The following KCNAB1 variants were observed in gnomAD, a reference collection of about 807,000 sequenced individuals.
KCNAB1 encodes the protein potassium voltage-gated channel subfamily A regulatory beta subunit 1.
KCNAB1 carries 35 observed loss-of-function variants against 64.6 expected under a neutral mutation model. The ratio of observed to expected loss-of-function variants is 0.54; its 90% CI spans 0.41 to 0.72. The LOEUF (loss-of-function observed/expected upper bound fraction) is 0.72. Ranked by LOEUF, KCNAB1 falls within the 30% of genes least tolerant of loss-of-function variation. The pLI, the probability that KCNAB1 is intolerant of heterozygous loss-of-function variation, is 0.00. For synonymous variants in KCNAB1, 177 were observed against 183.8 expected, an observed-to-expected ratio of 0.96 and a Z score of 0.30; for missense variants, 401 against 512.9, an observed-to-expected ratio of 0.78 and a Z score of 2.11.
intron 1 of KCNAB1, among the ~76,000 whole-genome samples, chr3:156,371,456 C>A (rs1241980596): frequency 1.3e-5 from 2 of 152,194 alleles, no homozygotes; most frequent in African/African-American, 4.8e-5. Flanking sequence ...ATACCCTGAG[C>A]AGGCCAGTGC....
At chr3:156,229,702 CAATG>C (rs1716404045) in intron 1 of KCNAB1, among the ~76,000 whole-genome samples, 2 of 152,240 alleles carry the variant, frequency 1.3e-5, no homozygotes, top group East Asian at 3.9e-4. Flanking sequence ...AGAAGAGAGA[CAATG>C]GATTAACACA....
rs774833385 is a variant in KCNAB1 at position 156,474,725 on chromosome 3, T to C, written c.572-9T>C. The C allele has an allele frequency of 8.1e-6, 13 of 1,611,080 alleles. No homozygotes were observed. The Admixed American group carries it at 1.8e-4, about 23-fold the overall frequency. On this transcript the variant is annotated splice_polypyrimidine_tract_variant and intron_variant, in intron 7 of 13. Transcript: ENST00000490337. ...GATTTTGGGGTTTGTTTCCTGCTTC[T>C]GCTCCCAGGATTGAAGGGCTCCCTC...
intron 2 of KCNAB1, among the ~76,000 whole-genome samples, chr3:156,425,091 G>A (rs949939431): frequency 2.0e-5 from 3 of 152,208 alleles, no homozygotes; most frequent in Non-Finnish European, 4.4e-5. Context: ...AGGCTCTGCA[G>A]ACCCCAGCTG....
chr3:156,292,092 A>G (rs1315145226), intron 1 of KCNAB1: 1 of 1,613,936 alleles, frequency 6.2e-7, no homozygotes, highest in South Asian at 1.1e-5. Context: ...ATTTCTCTCA[A>G]AGAGTCCACC....
intron 2 of KCNAB1, among the ~76,000 whole-genome samples, chr3:156,428,177 T>C (rs191387575): frequency 4.7e-4 from 71 of 152,316 alleles, no homozygotes; most frequent in African/African-American, 1.5e-3. Flanking sequence ...ACTTACAGAC[T>C]GAGTAAAGCC....
At chr3:156,501,237 C>A (rs776309985) in intron 8 of KCNAB1, among the ~76,000 whole-genome samples, 2 of 152,142 alleles carry the variant, frequency 1.3e-5, no homozygotes, top group East Asian at 3.9e-4. Context: ...AAAGCCTGCA[C>A]AGGCAAGAAG....
intron 1 of KCNAB1, among the ~76,000 whole-genome samples, chr3:156,239,729 T>C (rs1372960963): frequency 6.6e-6 from 1 of 152,242 alleles, no homozygotes; most frequent in African/African-American, 2.4e-5. Flanking sequence ...TCATAATTTG[T>C]ATCTTGATTT....
In KCNAB1 at chr3:156,375,288, T is replaced by C. The variant is rs1711577158; in HGVS notation, c.276-46328T>C. On this transcript the variant is annotated intron_variant, in intron 1 of 13. Transcript: ENST00000490337. ...CTTGCAAAAGGCCACAGTCCTTCTT[T>C]GTAGAGTTTATGAAGCTCATCCCTA... 1.5e-5 allele frequency among the ~76,000 whole-genome samples: 2 copies of C among 135,204 alleles called. 1 individual carries two copies. The highest frequency in any genetic ancestry group is 3.1e-5 in the Non-Finnish European group (2 of 64,894). The allele number at this position is 135,204 out of a possible 152,430, so 88.7% of individuals were successfully genotyped here.
intron 1 of KCNAB1, among the ~76,000 whole-genome samples, chr3:156,149,168 C>A (rs1433040158): frequency 6.6e-6 from 1 of 152,112 alleles, no homozygotes; most frequent in African/African-American, 2.4e-5. Flanking sequence ...GACATCAGTT[C>A]TCAGAGACTT....
intron 1 of KCNAB1, among the ~76,000 whole-genome samples, chr3:156,397,388 ATC>A (rs1281739832): frequency 6.6e-6 from 1 of 152,176 alleles, no homozygotes; most frequent in Non-Finnish European, 1.5e-5. Flanking sequence ...GCAGATTTGA[ATC>A]TCTTTATTTT....
chr3:156,219,928 T>C (rs1166636265), intron 1 of KCNAB1, among the ~76,000 whole-genome samples: 2 of 151,826 alleles, frequency 1.3e-5, no homozygotes, highest in African/African-American at 4.8e-5. Flanking sequence ...CCATGTGTTC[T>C]CATTGTTTGA....
intron 7 of KCNAB1, among the ~76,000 whole-genome samples, chr3:156,470,763 A>G (rs1384447949): frequency 6.6e-6 from 1 of 152,218 alleles, no homozygotes; most frequent in African/African-American, 2.4e-5. Context: ...ATTAATAACA[A>G]ATCTTAAACT....
intron 1 of KCNAB1, among the ~76,000 whole-genome samples, chr3:156,344,208 A>T (rs376840407): frequency 1.3e-5 from 2 of 152,316 alleles, no homozygotes; most frequent in African/African-American, 4.8e-5. Context: ...ATCTATTAGG[A>T]TTATAAAGGA....
At chr3:156,284,566 C>T (rs569592914) in intron 1 of KCNAB1, among the ~76,000 whole-genome samples, 173 of 152,346 alleles carry the variant, frequency 1.1e-3, no homozygotes, top group African/African-American at 3.9e-3. Context: ...CTCCCCCAGC[C>T]TCGCTGCTGC....
At chr3:156,242,065 A>C (rs1217438751) in intron 1 of KCNAB1, among the ~76,000 whole-genome samples, 1 of 152,164 alleles carries the variant, frequency 6.6e-6, no homozygotes. Flanking sequence ...AAGCTTATCG[A>C]ATCTCTTTTT....
At chr3:156,273,680 C>CTG (rs1216222393) in intron 1 of KCNAB1, 1 of 454,886 alleles carries the variant, frequency 2.2e-6, no homozygotes, top group Admixed American at 2.3e-5. Flanking sequence ...AAACCAGGTA[C>CTG]TGTCATCTCT....
chr3:156,179,000 CAAAAAAAAAAAA>C (rs200144513), intron 1 of KCNAB1, among the ~76,000 whole-genome samples: 166 of 108,046 alleles, frequency 1.5e-3, no homozygotes, highest in East Asian at 4.9e-3. Flanking sequence ...GACTCCGTCT[CAAAAAAAAAAAA>C]AAAAAAAAAA....
intron 1 of KCNAB1, among the ~76,000 whole-genome samples, chr3:156,274,181 C>T (rs943226113): frequency 6.6e-6 from 1 of 151,140 alleles, no homozygotes; most frequent in Non-Finnish European, 1.5e-5. Context: ...GAAAAATCCT[C>T]AACTACACAC....
At chr3:156,458,218 C>A (rs752786019) in intron 4 of KCNAB1, among the ~76,000 whole-genome samples, 17 of 152,178 alleles carry the variant, frequency 1.1e-4, no homozygotes, top group Non-Finnish European at 2.5e-4. Flanking sequence ...GATTTGGAGC[C>A]CTAAGACAGG....
Sources: allele counts gnomAD v4.1 joint callset (sites outside exome capture counted in the v4.1 genomes callset), GRCh38; gene constraint gnomAD v4.1.1; transcripts MANE v1.5; gene names NCBI Gene and HGNC (gene_info 2026-07-23, HGNC 2026-07-21).